The following NECAB1 variants were observed in gnomAD, a reference collection of about 807,000 sequenced individuals.
NECAB1 encodes the protein N-terminal EF-hand calcium binding protein 1, also known as N-terminal EF-hand calcium-binding protein 1.
In NECAB1, 29 loss-of-function variants were observed where a neutral mutation model predicts 57.5. That is an observed-to-expected ratio of 0.50 (90% CI 0.38 to 0.69). NECAB1 has a LOEUF of 0.69. Ranked by LOEUF, NECAB1 falls within the 30% of genes least tolerant of loss-of-function variation. The pLI is 0.00. For synonymous variants in NECAB1, 142 were observed against 147.7 expected, an observed-to-expected ratio of 0.96 and a Z score of 0.28; for missense variants, 372 against 413.8, an observed-to-expected ratio of 0.90 and a Z score of 0.88.
At chr8:90,863,789 C>T (rs1214109567) in intron 3 of NECAB1, among the ~76,000 whole-genome samples, 4 of 151,958 alleles carry the variant, frequency 2.6e-5, no homozygotes, top group South Asian at 2.1e-4. Context: ...AGAGATCAGA[C>T]AATGGAAACT....
At chr8:90,914,225 CA>C (rs1470594782) in intron 5 of NECAB1, among the ~76,000 whole-genome samples, 1 of 152,100 alleles carries the variant, frequency 6.6e-6, no homozygotes, top group African/African-American at 2.4e-5. Flanking sequence ...GGAAGATAGA[CA>C]AATGAACAAC....
intron 4 of NECAB1, among the ~76,000 whole-genome samples, chr8:90,879,081 T>A (rs1042183479): frequency 1.4e-5 from 2 of 143,744 alleles, no homozygotes; most frequent in Non-Finnish European, 3.0e-5. Flanking sequence ...ATATATATTA[T>A]ATATATTATA....
intron 9 of NECAB1, among the ~76,000 whole-genome samples, 157 bp downstream of exon 9, chr8:90,934,514 G>A (rs560795233): frequency 6.6e-6 from 1 of 152,218 alleles, no homozygotes; most frequent in African/African-American, 2.4e-5. Flanking sequence ...ATTGTGATTT[G>A]TGTAAACCTA....
rs1203839565 is a variant in NECAB1, at chr8:90,884,337, G to GT, written c.357+3214dup. Among the ~76,000 whole-genome samples, 6 of 152,040 alleles carry GT rather than the reference G, an allele frequency of 3.9e-5. No homozygotes were observed. The East Asian group carries it at 7.7e-4, about 20-fold the overall frequency. ...TCTTTTCATCTCTCCTCTATCTCTA[G>GT]TTTTTTTATGTTGAGCATCTGGGCC... On this transcript the variant is annotated intron_variant, in intron 5 of 12. Coordinates refer to ENST00000417640, the MANE Select transcript of NECAB1 (RefSeq NM_022351.5).
chr8:90,950,029 C>A (rs1477488226), intron 11 of NECAB1, 145 bp downstream of exon 11: 1 of 525,710 alleles, frequency 1.9e-6, no homozygotes, highest in African/African-American at 1.9e-5. Flanking sequence ...GAATTCTACA[C>A]ACTTTAAAAA....
intron 2 of NECAB1, among the ~76,000 whole-genome samples, chr8:90,807,943 A>C (rs182894071): frequency 2.6e-5 from 4 of 152,358 alleles, no homozygotes; most frequent in Admixed American, 2.6e-4. Flanking sequence ...GGAGAAACCC[A>C]TGAGTGCAAG....
At chr8:90,817,156 A>G (rs1429166204) in intron 2 of NECAB1, among the ~76,000 whole-genome samples, 1 of 151,732 alleles carries the variant, frequency 6.6e-6, no homozygotes, top group Non-Finnish European at 1.5e-5. Context: ...TTAACCTTGT[A>G]TCGTATGACT....
intron 5 of NECAB1, among the ~76,000 whole-genome samples, chr8:90,910,919 T>C (rs1191569055): frequency 6.6e-6 from 1 of 152,168 alleles, no homozygotes; most frequent in Non-Finnish European, 1.5e-5. Flanking sequence ...ATGCAATGCA[T>C]CTCTTGTGGC....
In NECAB1 at chr8:90,867,126, A is replaced by T. The variant is rs188315602; in HGVS notation, c.234-5002A>T. Among the ~76,000 whole-genome samples, 65 of 152,338 alleles carry T rather than the reference A, an allele frequency of 4.3e-4. 1 individual carries two copies. The East Asian group carries it at 0.011, about 25-fold the overall frequency. On this transcript the variant is annotated intron_variant, in intron 3 of 12. Transcript: ENST00000417640. Reference sequence around the variant, plus strand: ...TAACAATGTAGCACAGAAACAGCTGAATAAAGGAATATGTGAAGCCACAAA... The same window carrying T: ...TAACAATGTAGCACAGAAACAGCTGTATAAAGGAATATGTGAAGCCACAAA...
chr8:90,870,505 C>T (rs7821107), intron 3 of NECAB1, among the ~76,000 whole-genome samples: 74,998 of 152,044 alleles, frequency 0.49, 23,243 homozygotes, highest in African/African-American at 0.85. Flanking sequence ...TTCATACTTT[C>T]AATTTTTATT....
intron 5 of NECAB1, among the ~76,000 whole-genome samples, chr8:90,912,118 A>G (rs1809844620): frequency 1.3e-5 from 2 of 152,276 alleles, no homozygotes; most frequent in Non-Finnish European, 1.5e-5. Context: ...GTCCTCATCT[A>G]GTAGTTAATC....
intron 5 of NECAB1, among the ~76,000 whole-genome samples, chr8:90,900,665 C>T (rs895363160): frequency 6.6e-6 from 1 of 152,204 alleles, no homozygotes; most frequent in African/African-American, 2.4e-5. Flanking sequence ...AAGACTATCA[C>T]TATAACCTTC....
chr8:90,895,410 G>GC (rs1345703550), intron 5 of NECAB1, among the ~76,000 whole-genome samples: 2 of 152,088 alleles, frequency 1.3e-5, no homozygotes, highest in East Asian at 3.9e-4. Flanking sequence ...CTTTTGAAAA[G>GC]CAAAAAAGAA....
At chr8:90,870,770 T>G (rs1191957202) in intron 3 of NECAB1, among the ~76,000 whole-genome samples, 1 of 152,234 alleles carries the variant, frequency 6.6e-6, no homozygotes, top group African/African-American at 2.4e-5. Flanking sequence ...GAGTCATGTT[T>G]GTAGATGTTG....
intron 2 of NECAB1, among the ~76,000 whole-genome samples, chr8:90,806,997 A>G (rs1488464360): frequency 6.6e-6 from 1 of 151,994 alleles, no homozygotes; most frequent in Non-Finnish European, 1.5e-5. Flanking sequence ...ATTTTTTTTC[A>G]CTTTGTTGTA....
chr8:90,904,475 T>C (rs1202787243), intron 5 of NECAB1, among the ~76,000 whole-genome samples: 1 of 151,752 alleles, frequency 6.6e-6, no homozygotes, highest in Non-Finnish European at 1.5e-5. Flanking sequence ...ATAATTGAAA[T>C]GAAAACATCA....
At chr8:90,816,580 T>C (rs1035512430) in intron 2 of NECAB1, among the ~76,000 whole-genome samples, 6 of 151,892 alleles carry the variant, frequency 4.0e-5, no homozygotes, top group Non-Finnish European at 8.9e-5. Context: ...GTTGAAAAGA[T>C]GATCTATCCT....
rs565800539 is a variant in NECAB1, at chr8:90,834,926, T to C, written c.233+10101T>C. On this transcript the variant is annotated intron_variant, in intron 3 of 12. Transcript: ENST00000417640. ...CACCTAAATTGGTCTTGTGTATTTT[T>C]TCCATGTTTATGTAATCATATACAC... is the stretch of plus-strand genomic sequence containing the variant. Among the ~76,000 whole-genome samples, 9 of 152,178 alleles carry C rather than the reference T, an allele frequency of 5.9e-5. No homozygotes were observed. In the South Asian group the frequency reaches 1.9e-3, roughly 32 times the overall value.
chr8:90,892,418 C>T (rs978691034), intron 5 of NECAB1, among the ~76,000 whole-genome samples: 2 of 152,160 alleles, frequency 1.3e-5, no homozygotes, highest in Non-Finnish European at 2.9e-5. Context: ...CTAAGTATCA[C>T]ATCTATCAAA....
Sources: allele counts gnomAD v4.1 joint callset (sites outside exome capture counted in the v4.1 genomes callset), GRCh38; gene constraint gnomAD v4.1.1; transcripts MANE v1.5; gene names NCBI Gene and HGNC (gene_info 2026-07-23, HGNC 2026-07-21).